The following RIPOR3 variants were observed in gnomAD, a reference collection of about 807,000 sequenced individuals.
RIPOR3 encodes the protein RIPOR family member 3.
A neutral mutation model predicts 114.3 loss-of-function variants in RIPOR3; 95 were observed. That is an observed-to-expected ratio of 0.83 (90% CI 0.70 to 0.99). RIPOR3 has a LOEUF of 0.99. Among genes scored for constraint, RIPOR3 ranks in the 50% least tolerant of loss-of-function variants. The pLI is 0.00. For missense variants in RIPOR3, 1,252 were observed against 1,266.9 expected (o/e 0.99, Z 0.18); for synonymous variants, 575 against 543.8 (o/e 1.06, Z -0.80).
chr20:50,612,141 GA>G (rs77901546), intron 4 of RIPOR3, among the ~76,000 whole-genome samples: 3 of 144,386 alleles, frequency 2.1e-5, no homozygotes, highest in Admixed American at 6.9e-5. Flanking sequence ...AAAAAAAAAA[GA>G]AAAAAAGTAG....
Position 50,596,184 on chromosome 20 carries a change from C to G in RIPOR3, c.1870G>C (p.Val624Leu). 1 of 1,614,232 alleles carries G rather than the reference C, an allele frequency of 6.2e-7. No homozygotes were observed. Among genetic ancestry groups the G allele is most frequent in the Non-Finnish European group, 8.5e-7 (1 of 1,180,048 alleles). ...ACTTGGAGGTGTACCATCAGCAGCA[C>G]GTCCAGCTCTGGGGCACCGGCTGTG... ...ELTAGAPELD[V>L]LLMVHLQVCK... Residue 624 changes from valine (V) to leucine (L), a missense_variant, in exon 15 of 22, where the codon GTG becomes CTG. Physicochemically the swap from Val to Leu is conservative, Grantham distance 32 (BLOSUM62 1). Transcript: ENST00000327979.
chr20:50,597,397 C>A, intron 14 of RIPOR3, 183 bp downstream of exon 14: 1 of 865,378 alleles, frequency 1.2e-6, no homozygotes, highest in Non-Finnish European at 1.7e-6. Flanking sequence ...TCTCTGAGGA[C>A]CGGCTCTGAG....
Position 50,608,643 on chromosome 20 carries a change from G to A in RIPOR3, c.780C>T (p.Ile260=). The A allele has an allele frequency of 6.2e-7, 1 of 1,614,042 alleles. No individual in the cohort carries two copies. ...TGTCCAGGTTCTCATGCAGCGTGGG[G>A]ATGAAGGCCTTCTCCTCTTCGTCCC... The part of the protein sequence containing the change: ...QTWDEEEKAF[I]PTLHENLDIK... Residue 260 remains isoleucine (I), a synonymous_variant, in exon 10 of 22, where the codon ATC becomes ATT. Transcript: ENST00000327979.
At chr20:50,659,934 G>A (rs978226278) in intron 1 of RIPOR3, 12 of 152,214 alleles carry the variant, frequency 7.9e-5, no homozygotes, top group Admixed American at 2.6e-4. Flanking sequence ...ACCGGACCCC[G>A]GAGAGACCAT....
At chr20:50,604,536 G>A (rs2083626423) in intron 12 of RIPOR3, 109 bp downstream of exon 12, 1 of 1,434,782 alleles carries the variant, frequency 7.0e-7, no homozygotes, top group Admixed American at 2.6e-5. Context: ...CGGAAGCTGA[G>A]CCCGAGGCTT....
At chr20:50,615,524 C>CAA (rs11474316) in intron 4 of RIPOR3, among the ~76,000 whole-genome samples, 4,915 of 58,094 alleles carry the variant, frequency 0.085, 167 homozygotes, top group Middle Eastern at 0.14. Context: ...AATCCTGTCT[C>CAA]AAAAAAAAAA....
chr20:50,685,695 C>T (rs1346787170), intron 1 of RIPOR3, among the ~76,000 whole-genome samples: 2 of 128,598 alleles, frequency 1.6e-5, no homozygotes, highest in African/African-American at 5.8e-5. Context: ...GTGGCATGTG[C>T]CTGTAATCCT....
intron 4 of RIPOR3, among the ~76,000 whole-genome samples, chr20:50,613,121 A>T (rs2084032363): frequency 6.6e-6 from 1 of 152,142 alleles, no homozygotes; most frequent in Non-Finnish European, 1.5e-5. Flanking sequence ...AAATCTTTTT[A>T]AAATTAAGAA....
intron 4 of RIPOR3, among the ~76,000 whole-genome samples, chr20:50,613,337 T>G (rs1224704696): frequency 6.6e-6 from 1 of 151,716 alleles, no homozygotes; most frequent in African/African-American, 2.4e-5. Context: ...CCTGTAATCC[T>G]AGCTACTCAG....
Position 50,602,400 on chromosome 20 carries a change from T to C in RIPOR3, c.1331A>G (p.Glu444Gly). The change falls in exon 13 of 22, where the codon GAG becomes GGG. Residue 444 changes from glutamate (E) to glycine (G), a missense_variant. Coordinates refer to ENST00000327979, the MANE Select transcript of RIPOR3 (RefSeq NM_001290268.2). This position sits in a 1 kb window ranked among gnomAD's most constrained non-coding sequence, Gnocchi z 4.3. ...LTFGPHASIE[E>G]EAREDPLPPG... is the part of the protein sequence containing the mutation. ...GGGCAGGGGGTCCTCCCGAGCCTCC[T>C]CTTCAATGGAGGCGTGGGGACCGAA... is the stretch of plus-strand genomic sequence containing the variant. The C allele has an allele frequency of 6.2e-7, 1 of 1,610,600 alleles. No homozygotes were observed. Among genetic ancestry groups the C allele is most frequent in the Non-Finnish European group, 8.5e-7 (1 of 1,178,372 alleles).
chr20:50,654,826 G>A (rs1426622858), intron 1 of RIPOR3, among the ~76,000 whole-genome samples: 1 of 152,136 alleles, frequency 6.6e-6, no homozygotes, highest in Non-Finnish European at 1.5e-5. Context: ...ACTCACTGCA[G>A]CCTCAACTTC....
intron 2 of RIPOR3, among the ~76,000 whole-genome samples, chr20:50,624,663 G>A (rs1452137445): frequency 6.6e-6 from 1 of 152,226 alleles, no homozygotes; most frequent in East Asian, 1.9e-4. Context: ...AAGAGCCTCT[G>A]GGGCCGGATG....
intron 1 of RIPOR3, among the ~76,000 whole-genome samples, chr20:50,679,735 C>T (rs1408713262): frequency 6.7e-6 from 1 of 149,638 alleles, no homozygotes; most frequent in African/African-American, 2.5e-5. Context: ...CGCCACTGCA[C>T]TCGGGCCTGG....
At position 50,591,874 on chromosome 20, in the gene RIPOR3, A is replaced by T. The variant is rs6096015; in HGVS notation, c.2577+470T>A. Among the ~76,000 whole-genome samples, 1,162 of 152,370 alleles carry T rather than the reference A, an allele frequency of 7.6e-3. 13 individuals carry two copies. Among genetic ancestry groups the T allele is most frequent in the African/African-American group, 0.026 (1,095 of 41,588 alleles). Reference sequence around the variant, plus strand: ...CACTTTGGGAAGCCAAGGCAGGCGGATCGCAGGGTCAGGAGTTTGAGACCA... The same window carrying T: ...CACTTTGGGAAGCCAAGGCAGGCGGTTCGCAGGGTCAGGAGTTTGAGACCA... On this transcript the variant is annotated intron_variant, in intron 19 of 21. Coordinates refer to ENST00000327979, the MANE Select transcript of RIPOR3 (RefSeq NM_001290268.2).
intron 1 of RIPOR3, among the ~76,000 whole-genome samples, chr20:50,650,460 A>T (rs570985728): frequency 6.6e-6 from 1 of 152,122 alleles, no homozygotes; most frequent in South Asian, 2.1e-4. Flanking sequence ...GCACCACCAC[A>T]CCTGGCTAAC....
intron 6 of RIPOR3, among the ~76,000 whole-genome samples, chr20:50,610,494 A>G (rs2083938783): frequency 6.6e-6 from 1 of 152,156 alleles, no homozygotes. Context: ...GGGCCAACCC[A>G]TGTTCATCTC....
intron 12 of RIPOR3, 21 bp downstream of exon 12, chr20:50,604,624 G>A (rs1294421049): frequency 2.5e-6 from 4 of 1,599,004 alleles, no homozygotes; most frequent in Non-Finnish European, 3.4e-6. Context: ...CAGCGGCCCT[G>A]CCCCGGGAAG....
At chr20:50,624,800 G>A (rs2084557064) in intron 2 of RIPOR3, among the ~76,000 whole-genome samples, 1 of 152,180 alleles carries the variant, frequency 6.6e-6, no homozygotes, top group Non-Finnish European at 1.5e-5. Flanking sequence ...CAGTCCTTCT[G>A]CCTGGTGTGG....
At position 50,602,058 on chromosome 20, in the gene RIPOR3, C is replaced by T. The variant is rs770917317; in HGVS notation, c.1659+14G>A. The T allele has an allele frequency of 1.5e-5, 23 of 1,501,230 alleles. No homozygotes were observed. Among genetic ancestry groups the T allele is most frequent in the African/African-American group, 4.2e-5 (3 of 71,122 alleles). 93.0% of individuals were successfully genotyped at this position (1,501,230 alleles called of 1,614,324 possible). A position where few individuals can be genotyped will look rare whatever the true frequency, so the allele number is the denominator to read the frequency against. On this transcript the variant is annotated intron_variant, in intron 13 of 21. Transcript: ENST00000327979. This position sits in a 1 kb window ranked among gnomAD's most constrained non-coding sequence, Gnocchi z 4.3. ...AGCAAAGCAGGGCCACCGCCCGGGG[C>T]GGGGTGGCCATACCTTCAGCCGGTC...
Sources: gnomAD v4.1 joint callset for allele counts (sites outside exome capture counted in the v4.1 genomes callset) on GRCh38, gnomAD v4.1.1 for gene constraint, Gnocchi (gnomAD v3.1) non-coding constraint, MANE v1.5 for transcripts, NCBI Gene and HGNC (gene_info 2026-07-23, HGNC 2026-07-21) for gene names.